Variants in CNBD2 observed in about 807,000 individuals in gnomAD.
CNBD2 encodes cyclic nucleotide-binding domain-containing protein 2.
CNBD2 carries 64 observed loss-of-function variants against 63.7 expected under a neutral mutation model. That is an observed-to-expected ratio of 1.00 (90% confidence interval 0.82 to 1.24). The LOEUF is 1.24. CNBD2 is among the 50% of genes most tolerant of loss of function. CNBD2 has a pLI of 0.00. For synonymous variants in CNBD2, 229 were observed against 255.4 expected (o/e 0.90, Z 0.99); for missense variants, 691 against 713.5 (o/e 0.97, Z 0.36).
chr20:36,008,611 G>C, intron 9 of CNBD2, 137 bp downstream of exon 9: 1 of 817,414 alleles, frequency 1.2e-6, no homozygotes, highest in Non-Finnish European at 1.8e-6. Flanking sequence ...GATTGTGCAT[G>C]AGGCAACCTA....
chr20:35,998,471 T>C (rs2056855469), intron 8 of CNBD2, among the ~76,000 whole-genome samples: 1 of 152,256 alleles, frequency 6.6e-6, no homozygotes, highest in Non-Finnish European at 1.5e-5. Flanking sequence ...AAAAACTTGC[T>C]GTTTTGGGGT....
At chr20:36,006,710 G>A (rs146885204) in intron 8 of CNBD2, among the ~76,000 whole-genome samples, 11 of 152,278 alleles carry the variant, frequency 7.2e-5, no homozygotes, top group East Asian at 1.9e-4. Context: ...GAGCCACTGC[G>A]CCTGGCCATA....
intron 10 of CNBD2, among the ~76,000 whole-genome samples, chr20:36,023,284 G>A (rs1357062318): frequency 6.6e-6 from 1 of 152,174 alleles, no homozygotes; most frequent in African/African-American, 2.4e-5. Flanking sequence ...CAGCACTTTG[G>A]GAGACCGAGG....
chr20:36,015,532 G>A (rs2057121764), intron 10 of CNBD2, among the ~76,000 whole-genome samples: 1 of 152,100 alleles, frequency 6.6e-6, no homozygotes, highest in Non-Finnish European at 1.5e-5. Flanking sequence ...GTTGAATCTA[G>A]GACTAGGGCA....
At position 36,030,498 on chromosome 20, in the gene CNBD2, T is replaced by C; in HGVS notation, c.1581T>C (p.Pro527=). The C allele has an allele frequency of 1.2e-6, 2 of 1,614,156 alleles. No homozygotes were observed. Among genetic ancestry groups the C allele is most frequent in the East Asian group, 2.2e-5 (1 of 44,884 alleles). Reference sequence around the variant, plus strand: ...CCAAGAAGAGAGAGATCTACAACCCTAAGTCTGTGGTCCTGGATTTGTGCA... The same window carrying C: ...CCAAGAAGAGAGAGATCTACAACCCCAAGTCTGTGGTCCTGGATTTGTGCA... ...NRPKKREIYN[P]KSVVLDLCSI... Residue 527 remains proline (P), a synonymous_variant, in exon 12 of 12, where the codon CCT becomes CCC. Transcript: ENST00000373973.
intron 6 of CNBD2, among the ~76,000 whole-genome samples, chr20:35,985,611 ACATAGCTGGAATTACAGT>A (rs2056657359): frequency 1.3e-5 from 2 of 151,354 alleles, no homozygotes; most frequent in Admixed American, 1.3e-4. Flanking sequence ...TCAGCCTCCC[ACATAGCTGGAATTACAGT>A]CATACACCAT....
At chr20:35,964,423 C>G (rs1267445429), upstream of CNBD2, among the ~76,000 whole-genome samples, 1 of 151,730 alleles carries the variant, frequency 6.6e-6, no homozygotes, top group East Asian at 1.9e-4. Flanking sequence ...CAGAGTCTAT[C>G]TCTGTCACCC....
intron 3 of CNBD2, among the ~76,000 whole-genome samples, chr20:35,978,566 G>A (rs982611750): frequency 6.6e-6 from 1 of 152,108 alleles, no homozygotes. Flanking sequence ...GGGTAGTCTT[G>A]ATCTCCTGAC....
At chr20:35,965,887 A>G (rs901831451), upstream of CNBD2, among the ~76,000 whole-genome samples, 3 of 152,144 alleles carry the variant, frequency 2.0e-5, no homozygotes, top group Non-Finnish European at 4.4e-5. Context: ...AAATTGTACA[A>G]CCACAGCTGG....
Position 35,972,625 on chromosome 20 carries a change from A to G in CNBD2, c.52-4A>G, listed in dbSNP as rs371758347. ...TATTGATCTTGTTTGCTTTGTTTCC[A>G]TAGGGACTGTACCAGCTCGCCATGG... On this transcript the variant is annotated splice_polypyrimidine_tract_variant and splice_region_variant and intron_variant, in intron 1 of 11. Transcript: ENST00000373973. The G allele has an allele frequency of 2.1e-5, 34 of 1,613,898 alleles. No homozygotes were observed. In the African/African-American group the frequency reaches 2.7e-4, roughly 13 times the overall value.
chr20:35,999,052 A>C (rs2794386), intron 8 of CNBD2, among the ~76,000 whole-genome samples: 5,399 of 152,146 alleles, frequency 0.035, 332 homozygotes, highest in African/African-American at 0.12. Context: ...AAATGAACTT[A>C]TTTGTCCCTG....
In CNBD2 at chr20:36,023,609, A is replaced by G; in HGVS notation, c.1277A>G (p.His426Arg). ...TCTGTGACTTCTCCCGAGGGTCTTC[A>G]CCAGGCCTTCCTTCCAGAGGGTGAA... is the stretch of plus-strand genomic sequence containing the variant. ...TVEQGEILGL[H>R]QAFLPEGECD... Residue 426 changes from histidine (H) to arginine (R), a missense_variant, in exon 11 of 12, where the codon CAC (histidine) becomes CGC (arginine). His to Arg is a conservative substitution (Grantham distance 29, BLOSUM62 0). Transcript: ENST00000373973. 6.3e-7 allele frequency: 1 copy of G among 1,599,386 alleles called. No homozygotes were observed. The highest frequency in any genetic ancestry group is 1.3e-5 in the African/African-American group (1 of 74,116).
intron 8 of CNBD2, among the ~76,000 whole-genome samples, chr20:36,006,377 A>G (rs1267240156): frequency 6.6e-6 from 1 of 151,912 alleles, no homozygotes; most frequent in Non-Finnish European, 1.5e-5. Flanking sequence ...TTTATATAAT[A>G]GAGTGCACAT....
In CNBD2 at chr20:35,980,585, C is replaced by T. The variant is rs774756801; in HGVS notation, c.370C>T (p.Leu124=). 8 of 1,613,872 alleles carry T rather than the reference C, an allele frequency of 5.0e-6. No individual in the cohort carries two copies. In the East Asian group the frequency reaches 1.8e-4, roughly 36 times the overall value. The change falls in exon 4 of 12, where the codon CTG becomes TTG. Residue 124 remains leucine (L), a synonymous_variant. Transcript: ENST00000373973. The stretch of plus-strand genomic sequence containing the variant: ...TAGCTATCGGAACTACGCAGAGCCC[C>T]TGCAGCTGCTCCTGGCCAAAGTCAT... ...LDSYRNYAEP[L]QLLLAKVMRF... is the part of the protein sequence containing the mutation.
chr20:36,014,617 C>T (rs1183914288), intron 10 of CNBD2, among the ~76,000 whole-genome samples: 1 of 150,500 alleles, frequency 6.6e-6, no homozygotes, highest in Non-Finnish European at 1.5e-5. Flanking sequence ...GCATGAGCCA[C>T]TGGACCTGGC....
rs377729832 is a variant in CNBD2, at chr20:36,005,823, C to T, written c.971-2474C>T. 7.9e-5 allele frequency among the ~76,000 whole-genome samples: 12 copies of T among 151,274 alleles called. No homozygotes were observed. The South Asian group carries it at 1.0e-3, about 13-fold the overall frequency. On this transcript the variant is annotated intron_variant, in intron 8 of 11. Coordinates refer to ENST00000373973, the MANE Select transcript of CNBD2 (RefSeq NM_001365709.1). ...AAAATTAGCCGGGCATGGTGGCGGG[C>T]GCCTGTAGTCCCAGCTACTTGGGAG...
In CNBD2 at chr20:35,984,124, G is replaced by T; in HGVS notation, c.550G>T (p.Gly184Cys). 6.2e-7 allele frequency: 1 copy of T among 1,607,698 alleles called. No homozygotes were observed. The highest frequency in any genetic ancestry group is 1.1e-5 in the South Asian group (1 of 90,012). ...TCCCCACCCGAAATTGCTGCACAAG[G>T]GTAGCTGTTTTGGGGTAAGCCCAGG... ...LDPHPKLLHK[G>C]SCFGEMDVLH... Residue 184 changes from glycine to cysteine, a missense_variant, in exon 5 of 12, where the codon GGT (glycine) becomes TGT (cysteine). Gly to Cys is a radical substitution (Grantham distance 159, BLOSUM62 -3). Coordinates refer to ENST00000373973, the MANE Select transcript of CNBD2 (RefSeq NM_001365709.1).
intron 3 of CNBD2, among the ~76,000 whole-genome samples, chr20:35,976,913 C>A (rs1027839432): frequency 1.3e-5 from 2 of 152,114 alleles, no homozygotes; most frequent in African/African-American, 4.8e-5. Context: ...CATCTCCTGC[C>A]CCACCCCTTT....
intron 7 of CNBD2, among the ~76,000 whole-genome samples, chr20:35,991,132 G>A (rs1601049107): frequency 6.6e-6 from 1 of 152,278 alleles, no homozygotes; most frequent in East Asian, 1.9e-4. Context: ...ATTGGGAAGA[G>A]AATGGATTGG....
Sources: gnomAD v4.1 joint callset for allele counts (sites outside exome capture counted in the v4.1 genomes callset) on GRCh38, gnomAD v4.1.1 for gene constraint, MANE v1.5 for transcripts, NCBI Gene and HGNC (gene_info 2026-07-23, HGNC 2026-07-21) for gene names.